The following RANBP3L variants were observed in gnomAD, a reference collection of about 807,000 sequenced individuals.
RANBP3L encodes RAN binding protein 3 like, also known as ran-binding protein 3-like.
In RANBP3L, 56 loss-of-function variants were observed where a neutral mutation model predicts 67.2. That is an observed-to-expected ratio of 0.83 (90% confidence interval 0.67 to 1.04). The LOEUF is 1.04. RANBP3L is among the 50% of genes least tolerant of loss of function. The pLI, the probability that RANBP3L is intolerant of heterozygous loss-of-function variation, is 0.00. For missense variants in RANBP3L, 496 were observed against 535.5 expected, an observed-to-expected ratio of 0.93 and a Z score of 0.73; for synonymous variants, 164 against 181.4, an observed-to-expected ratio of 0.90 and a Z score of 0.77.
chr5:36,267,099 TAGA>T (rs768115454), intron 4 of RANBP3L, among the ~76,000 whole-genome samples: 7 of 152,156 alleles, frequency 4.6e-5, no homozygotes, highest in Admixed American at 3.3e-4. Flanking sequence ...TCAGTCAGGT[TAGA>T]AGGACTAGAG....
chr5:36,269,773 A>C lies in RANBP3L; in HGVS notation c.190+178T>G, dbSNP rs535045761. Among the ~76,000 whole-genome samples the C allele has an allele frequency of 1.2e-4, 18 of 152,310 alleles. No homozygotes were observed. The East Asian group carries it at 3.5e-3, about 29-fold the overall frequency. Reference sequence around the variant, plus strand: ...AGCACAATGAATTTTAGTCACTAACATCAGTGTTCTCAGGGACCTATATGT... The same window carrying C: ...AGCACAATGAATTTTAGTCACTAACCTCAGTGTTCTCAGGGACCTATATGT... On this transcript the variant is annotated intron_variant, in intron 3 of 13. Coordinates refer to ENST00000296604, the MANE Select transcript of RANBP3L (RefSeq NM_145000.5).
intron 1 of RANBP3L, among the ~76,000 whole-genome samples, chr5:36,287,018 C>T (rs561848529): frequency 6.6e-6 from 1 of 152,252 alleles, no homozygotes; most frequent in South Asian, 2.1e-4. Context: ...GCCCATGGGA[C>T]TGGAAGACAA....
intron 1 of RANBP3L, among the ~76,000 whole-genome samples, chr5:36,295,050 A>G (rs1209281161): frequency 6.6e-6 from 1 of 151,552 alleles, no homozygotes; most frequent in Non-Finnish European, 1.5e-5. Context: ...GTTTGTTTCC[A>G]TCTTTTGGCT....
At chr5:36,257,659 A>G in intron 8 of RANBP3L, 103 bp from the exon 9 acceptor site, 1 of 489,480 alleles carries the variant, frequency 2.0e-6, no homozygotes, top group Non-Finnish European at 3.7e-6. Context: ...TCAACACAGC[A>G]AGCAAACCTA....
In RANBP3L at chr5:36,301,311, G is replaced by A. The variant is rs1304422487; in HGVS notation, c.91+15C>T. 6.3e-7 allele frequency: 1 copy of A among 1,591,740 alleles called. No individual in the cohort carries two copies. The highest frequency in any genetic ancestry group is 8.6e-7 in the Non-Finnish European group (1 of 1,159,910). ...AGGTCACAGAATATGCAACTCATGA[G>A]CTGGACGGACTCACCTTGCTGTCGC... On this transcript the variant is annotated intron_variant, in intron 1 of 13. Transcript: ENST00000296604.
At chr5:36,278,333 A>G (rs1172711604) in intron 1 of RANBP3L, among the ~76,000 whole-genome samples, 1 of 152,082 alleles carries the variant, frequency 6.6e-6, no homozygotes, top group Non-Finnish European at 1.5e-5. Context: ...TTGCTCCTCA[A>G]AGTGTGATCC....
At chr5:36,276,341 C>T (rs1459601977) in intron 1 of RANBP3L, among the ~76,000 whole-genome samples, 1 of 152,302 alleles carries the variant, frequency 6.6e-6, no homozygotes. Context: ...TTATCTGTGA[C>T]TTCAGCTACA....
chr5:36,273,218 T>G (rs1750346251), intron 1 of RANBP3L, among the ~76,000 whole-genome samples: 1 of 152,200 alleles, frequency 6.6e-6, no homozygotes. Flanking sequence ...AAACTGGGCT[T>G]AGGACAGTCA....
intron 1 of RANBP3L, among the ~76,000 whole-genome samples, chr5:36,297,996 G>A (rs1752347687): frequency 1.3e-5 from 2 of 151,972 alleles, no homozygotes. Context: ...TGGCATGGGG[G>A]GTTAGAAAAT....
At chr5:36,267,261 C>T (rs1308236470) in intron 4 of RANBP3L, among the ~76,000 whole-genome samples, 2 of 152,132 alleles carry the variant, frequency 1.3e-5, no homozygotes, top group African/African-American at 4.8e-5. Context: ...GTAATCCCAG[C>T]ACTTTGGGAG....
At chr5:36,277,243 C>T (rs1253613408) in intron 1 of RANBP3L, among the ~76,000 whole-genome samples, 8 of 152,104 alleles carry the variant, frequency 5.3e-5, no homozygotes, top group Admixed American at 2.0e-4. Flanking sequence ...CACTGTCTCA[C>T]CCCAATCTCC....
At chr5:36,266,398 T>C (rs1489595840) in intron 4 of RANBP3L, among the ~76,000 whole-genome samples, 2 of 152,206 alleles carry the variant, frequency 1.3e-5, no homozygotes, top group African/African-American at 4.8e-5. Context: ...CAGCAACCTT[T>C]GGCATTTAAT....
intron 6 of RANBP3L, among the ~76,000 whole-genome samples, chr5:36,262,656 AG>A (rs1259565214): frequency 6.6e-6 from 1 of 152,170 alleles, no homozygotes; most frequent in African/African-American, 2.4e-5. Context: ...TTCCTCGACC[AG>A]GAATTTGCAA....
At chr5:36,254,004 G>A (rs1024663831) in intron 11 of RANBP3L, among the ~76,000 whole-genome samples, 19 of 151,974 alleles carry the variant, frequency 1.3e-4, no homozygotes, top group Admixed American at 9.9e-4. Context: ...CTTTTTTACT[G>A]TAATATTTAA....
At chr5:36,288,208 G>A (rs1751459216) in intron 1 of RANBP3L, among the ~76,000 whole-genome samples, 1 of 152,042 alleles carries the variant, frequency 6.6e-6, no homozygotes, top group Non-Finnish European at 1.5e-5. Flanking sequence ...TATCACCATG[G>A]CCTAGTTTTG....
intron 10 of RANBP3L, among the ~76,000 whole-genome samples, chr5:36,255,876 TTTTG>T (rs1748941301): frequency 2.0e-5 from 3 of 152,104 alleles, no homozygotes; most frequent in Non-Finnish European, 4.4e-5. Context: ...GGTGTAAATA[TTTTG>T]TTTATCTTTC....
chr5:36,286,088 T>C (rs950089763), intron 1 of RANBP3L, among the ~76,000 whole-genome samples: 3 of 152,212 alleles, frequency 2.0e-5, no homozygotes, highest in Non-Finnish European at 2.9e-5. Flanking sequence ...ACAAAGAGTT[T>C]GGGACATTGT....
intron 1 of RANBP3L, among the ~76,000 whole-genome samples, chr5:36,275,302 A>C (rs1750495578): frequency 6.6e-6 from 1 of 152,212 alleles, no homozygotes. Context: ...AGATGAGGAA[A>C]CTAAGGCTTG....
At chr5:36,262,464 T>G (rs553483330) in intron 6 of RANBP3L, among the ~76,000 whole-genome samples, 18 of 152,266 alleles carry the variant, frequency 1.2e-4, no homozygotes, top group African/African-American at 3.8e-4. Context: ...AGTCACCCAA[T>G]GTGAGAGAAA....
Sources: gnomAD v4.1 joint callset for allele counts (sites outside exome capture counted in the v4.1 genomes callset) on GRCh38, gnomAD v4.1.1 for gene constraint, MANE v1.5 for transcripts, NCBI Gene and HGNC (gene_info 2026-07-23, HGNC 2026-07-21) for gene names.